Variants in PCP4 observed in about 807,000 individuals in gnomAD.
PCP4 encodes Purkinje cell protein 4.
PCP4 carries 8 observed loss-of-function variants against 10.0 expected under a neutral mutation model. That is an observed-to-expected ratio of 0.80 (90% confidence interval 0.47 to 1.45). The LOEUF is 1.45. PCP4 is among the 40% of genes most tolerant of loss of function. The pLI is 0.00. For missense variants in PCP4, 54 were observed against 74.4 expected (o/e 0.73, Z 1.01); for synonymous variants, 21 against 23.0 (o/e 0.91, Z 0.24).
chr21:39,885,431 C>T (rs1401002793), intron 1 of PCP4, among the ~76,000 whole-genome samples: 2 of 152,214 alleles, frequency 1.3e-5, no homozygotes, highest in African/African-American at 4.8e-5. Context: ...CAGGCGCTGC[C>T]CTCACAAGGC....
intron 2 of PCP4, among the ~76,000 whole-genome samples, chr21:39,903,999 A>C (rs2087494893): frequency 6.6e-6 from 1 of 152,096 alleles, no homozygotes; most frequent in South Asian, 2.1e-4. Flanking sequence ...TCAATCCCAA[A>C]CCATAAAAGT....
chr21:39,927,286 CT>C (rs2087626563), intron 2 of PCP4, among the ~76,000 whole-genome samples: 1 of 106,244 alleles, frequency 9.4e-6, no homozygotes, highest in Non-Finnish European at 2.1e-5. Flanking sequence ...TCTGATCTAT[CT>C]ATCTATCTAT....
intron 2 of PCP4, among the ~76,000 whole-genome samples, chr21:39,905,266 CA>C (rs896673377): frequency 2.1e-4 from 31 of 150,762 alleles, no homozygotes; most frequent in African/African-American, 6.8e-4. Flanking sequence ...AAAAAAAAAT[CA>C]AAACAAAAGT....
intron 2 of PCP4, 94 bp downstream of exon 2, chr21:39,898,621 G>A (rs1049466063): frequency 2.2e-6 from 2 of 928,920 alleles, no homozygotes; most frequent in Admixed American, 1.9e-5. Flanking sequence ...ATCCCAAACA[G>A]CTTACTATAT....
intron 2 of PCP4, among the ~76,000 whole-genome samples, chr21:39,912,138 T>C (rs184761477): frequency 5.3e-4 from 81 of 152,328 alleles, no homozygotes; most frequent in African/African-American, 1.9e-3. Flanking sequence ...AATTTGTTTC[T>C]TGACATCAGT....
chr21:39,898,576 C>T (rs779857117), intron 2 of PCP4, 49 bp downstream of exon 2: 30 of 1,412,294 alleles, frequency 2.1e-5, no homozygotes, highest in Non-Finnish European at 2.9e-5. Flanking sequence ...CCATCTGCAG[C>T]CCTGGGTATG....
intron 2 of PCP4, among the ~76,000 whole-genome samples, chr21:39,908,179 G>T (rs1451677700): frequency 6.7e-6 from 1 of 149,792 alleles, no homozygotes; most frequent in Non-Finnish European, 1.5e-5. Flanking sequence ...AGTGTAATTG[G>T]CTGGCTTAGT....
chr21:39,903,719 T>G (rs2087491969), intron 2 of PCP4, among the ~76,000 whole-genome samples: 1 of 151,376 alleles, frequency 6.6e-6, no homozygotes, highest in African/African-American at 2.4e-5. Flanking sequence ...ATACAAAAAA[T>G]TATCCGGGCG....
chr21:39,880,246 T>C (rs1436712237), intron 1 of PCP4, among the ~76,000 whole-genome samples: 2 of 152,122 alleles, frequency 1.3e-5, no homozygotes, highest in Admixed American at 6.6e-5. Context: ...AGCCTGACCA[T>C]GGAGGTCAGT....
chr21:39,901,497 C>G (rs1013592001), intron 2 of PCP4, among the ~76,000 whole-genome samples: 2 of 152,280 alleles, frequency 1.3e-5, no homozygotes, highest in Middle Eastern at 3.4e-3. Flanking sequence ...GTGCTTTGCA[C>G]CAAAGGGAAT....
intron 1 of PCP4, among the ~76,000 whole-genome samples, chr21:39,885,271 G>C (rs1442276363): frequency 6.6e-6 from 1 of 152,182 alleles, no homozygotes; most frequent in Non-Finnish European, 1.5e-5. Flanking sequence ...GCTCCAGGGG[G>C]CTATTCAACC....
intron 1 of PCP4, among the ~76,000 whole-genome samples, chr21:39,873,227 A>G (rs1488591011): frequency 6.6e-6 from 1 of 152,180 alleles, no homozygotes; most frequent in Admixed American, 6.6e-5. Context: ...GAAGAGAATA[A>G]GAGAGAGTCT....
intron 1 of PCP4, among the ~76,000 whole-genome samples, chr21:39,892,580 G>A (rs940108375): frequency 6.6e-6 from 1 of 151,950 alleles, no homozygotes; most frequent in Non-Finnish European, 1.5e-5. Flanking sequence ...TTTAATTTTT[G>A]TGGGTACATA....
chr21:39,898,366 A>T, intron 1 of PCP4, 110 bp from the exon 2 acceptor site: 1 of 887,434 alleles, frequency 1.1e-6, no homozygotes, highest in Non-Finnish European at 1.9e-6. Flanking sequence ...GAGCTAAAGT[A>T]ACATAGAACT....
intron 1 of PCP4, among the ~76,000 whole-genome samples, chr21:39,880,106 C>CTATCTA (rs1197131951): frequency 7.7e-5 from 11 of 142,102 alleles, no homozygotes; most frequent in South Asian, 2.2e-4. Context: ...ATATCTATAT[C>CTATCTA]TATCTATATC....
chr21:39,908,802 G>C (rs1488343342), intron 2 of PCP4, among the ~76,000 whole-genome samples: 3 of 152,166 alleles, frequency 2.0e-5, no homozygotes, highest in African/African-American at 2.4e-5. Flanking sequence ...GGTCTCAGAG[G>C]AGAGGCTAAG....
intron 2 of PCP4, among the ~76,000 whole-genome samples, chr21:39,917,013 G>A (rs1328367494): frequency 2.0e-5 from 3 of 152,150 alleles, no homozygotes; most frequent in African/African-American, 4.8e-5. Flanking sequence ...GGGTTGATCT[G>A]TGAAGCAGAT....
chr21:39,914,591 A>AG lies in PCP4; in HGVS notation c.62-14393_62-14392insG, dbSNP rs538293183. 1.4e-3 allele frequency among the ~76,000 whole-genome samples: 200 copies of AG among 140,644 alleles called. 5 individuals carry two copies. The South Asian group carries it at 0.044, about 31-fold the overall frequency. The allele number at this position is 140,644 out of a possible 152,430, so 92.3% of individuals were successfully genotyped here. A position where few individuals can be genotyped will look rare whatever the true frequency, so the allele number is the denominator to read the frequency against. On this transcript the variant is annotated intron_variant, in intron 2 of 2. Transcript: ENST00000328619. ...GCTGTCTCAAAAAAAAAAAAAAGAA[A>AG]AAAAAAAGAAGAAAGTAAAATTCTT...
chr21:39,877,297 A>C (rs180732799), intron 1 of PCP4, among the ~76,000 whole-genome samples: 40 of 152,282 alleles, frequency 2.6e-4, no homozygotes, highest in Non-Finnish European at 5.7e-4. Flanking sequence ...CTCTATTTCT[A>C]GGGATTCCAG....
Sources: gnomAD v4.1 joint callset for allele counts (sites outside exome capture counted in the v4.1 genomes callset) on GRCh38, gnomAD v4.1.1 for gene constraint, MANE v1.5 for transcripts, NCBI Gene and HGNC (gene_info 2026-07-23, HGNC 2026-07-21) for gene names.